DYNLT2: variants seen among roughly 807,000 people sequenced by gnomAD.
The protein encoded by DYNLT2 is dynein light chain Tctex-type 2.
In DYNLT2, 24 loss-of-function variants were observed where a neutral mutation model predicts 24.3. The ratio of observed to expected loss-of-function variants is 0.99; its 90% CI spans 0.71 to 1.39. The LOEUF is 1.39. Among genes scored for constraint, DYNLT2 ranks in the 40% most tolerant of loss-of-function variants. The probability of loss-of-function intolerance (pLI) is 0.00; values close to 1 mark genes in which losing one functional copy is unlikely to be tolerated. For synonymous variants in DYNLT2, 85 were observed against 85.4 expected (o/e 1.00, Z 0.03); for missense variants, 246 against 234.5 (o/e 1.05, Z -0.32).
intron 1 of DYNLT2, among the ~76,000 whole-genome samples, chr6:169,746,818 T>C (rs991491982): frequency 1.3e-5 from 2 of 151,938 alleles, no homozygotes; most frequent in Non-Finnish European, 2.9e-5. Flanking sequence ...GGTATTTTAG[T>C]GAACCTGTGC....
At position 169,751,445 on chromosome 6, in the gene DYNLT2, C is replaced by CCTCGCTTCTCCAT; in HGVS notation, c.1_13dup (p.Gly5AspfsTer28). The CCTCGCTTCTCCAT allele has an allele frequency of 6.2e-7, 1 of 1,614,052 alleles. No individual in the cohort carries two copies. Among genetic ancestry groups the CCTCGCTTCTCCAT allele is most frequent in the Non-Finnish European group, 8.5e-7 (1 of 1,180,010 alleles). Reference sequence around the variant, plus strand: ...GATGGGGCTCGACTTCACGCCTCGGCCTCGCTTCTCCATCTCGCTCTGTTC... The same window carrying CCTCGCTTCTCCAT: ...GATGGGGCTCGACTTCACGCCTCGGCCTCGCTTCTCCATCTCGCTTCTCCATCTCGCTCTGTTC... On this transcript the variant is annotated frameshift_variant, in exon 1 of 4. Transcript: ENST00000366774. LOFTEE classifies it high-confidence loss of function.
downstream of DYNLT2, among the ~76,000 whole-genome samples, chr6:169,736,685 G>A (rs1235365042): frequency 2.0e-5 from 3 of 152,192 alleles, no homozygotes; most frequent in Non-Finnish European, 4.4e-5. Flanking sequence ...GATGTCGGCT[G>A]TTAGTCTGAT....
intron 3 of DYNLT2, among the ~76,000 whole-genome samples, chr6:169,742,787 C>T (rs200958660): frequency 2.0e-5 from 3 of 152,028 alleles, no homozygotes; most frequent in Middle Eastern, 3.4e-3. Context: ...TTAGTAGAGA[C>T]GGGGTTTCAC....
In DYNLT2 at chr6:169,751,338, C is replaced by T; in HGVS notation, c.120+1G>A. 1.2e-6 allele frequency: 2 copies of T among 1,613,676 alleles called. No individual in the cohort carries two copies. The highest frequency in any genetic ancestry group is 1.7e-6 in the Non-Finnish European group (2 of 1,179,826). On this transcript the variant is annotated splice_donor_variant, in intron 1 of 3. Transcript: ENST00000366774. LOFTEE classifies it high-confidence loss of function. Reference sequence around the variant, plus strand: ...GGGCCCCTAGCAGTCTCCGCACTCACTGCCTCCTTCTCGAACATGCTAGGC... The same window carrying T: ...GGGCCCCTAGCAGTCTCCGCACTCATTGCCTCCTTCTCGAACATGCTAGGC...
downstream of DYNLT2, among the ~76,000 whole-genome samples, chr6:169,736,579 G>T (rs1789566623): frequency 6.6e-6 from 1 of 152,158 alleles, no homozygotes. Flanking sequence ...ATGAAGCTTA[G>T]TTTGGCTGGA....
chr6:169,747,714 CTCTT>C (rs1214213266), intron 1 of DYNLT2, among the ~76,000 whole-genome samples: 4 of 152,046 alleles, frequency 2.6e-5, no homozygotes, highest in African/African-American at 9.7e-5. Flanking sequence ...ACTAATAACT[CTCTT>C]AACTACTTTA....
intron 1 of DYNLT2, chr6:169,751,109 T>G: frequency 1.8e-6 from 1 of 555,984 alleles, no homozygotes; most frequent in Non-Finnish European, 3.1e-6. Context: ...TTATGTAGGG[T>G]TCTATGGCCC....
intron 1 of DYNLT2, among the ~76,000 whole-genome samples, 164 bp from the exon 2 acceptor site, chr6:169,744,438 G>C (rs1290104910): frequency 6.6e-6 from 1 of 151,878 alleles, no homozygotes; most frequent in East Asian, 1.9e-4. Context: ...CTAAATCCTA[G>C]ATTCACTCCT....
chr6:169,751,245 G>A, intron 1 of DYNLT2, 94 bp downstream of exon 1: 1 of 1,509,778 alleles, frequency 6.6e-7, no homozygotes, highest in South Asian at 1.3e-5. Flanking sequence ...CCTTGGCTCT[G>A]GGGGTGGTGA....
chr6:169,732,481 C>T, the DYNLT2 span, among the ~76,000 whole-genome samples: 1 of 152,208 alleles, frequency 6.6e-6, no homozygotes, highest in East Asian at 1.9e-4. Context: ...TTGTTCCCCT[C>T]TCTTGTGTCC....
chr6:169,734,605 T>A, the DYNLT2 span, among the ~76,000 whole-genome samples: 1 of 152,236 alleles, frequency 6.6e-6, no homozygotes, highest in African/African-American at 2.4e-5. Flanking sequence ...TTTGCATATG[T>A]TGAACCAGCC....
At chr6:169,742,349 A>G (rs1789697025) in intron 3 of DYNLT2, among the ~76,000 whole-genome samples, 1 of 152,192 alleles carries the variant, frequency 6.6e-6, no homozygotes, top group African/African-American at 2.4e-5. Context: ...GGCTGTTTAC[A>G]TTATCCCTAT....
chr6:169,744,016 TC>T (rs1324386414), intron 2 of DYNLT2, 51 bp downstream of exon 2: 1 of 1,530,278 alleles, frequency 6.5e-7, no homozygotes, highest in East Asian at 2.3e-5. Context: ...AATTTCTGTT[TC>T]TCTGTAGAAC....
At chr6:169,731,282 C>A in the DYNLT2 span, among the ~76,000 whole-genome samples, 2 of 152,188 alleles carry the variant, frequency 1.3e-5, no homozygotes, top group Non-Finnish European at 1.5e-5. Context: ...CAGAGTATTA[C>A]ATTATGGACA....
At chr6:169,742,584 A>G (rs751686327) in intron 3 of DYNLT2, among the ~76,000 whole-genome samples, 1 of 152,164 alleles carries the variant, frequency 6.6e-6, no homozygotes, top group Non-Finnish European at 1.5e-5. Flanking sequence ...AATTAGTAGT[A>G]CCAAATTGCT....
chr6:169,743,325 T>A, intron 2 of DYNLT2, 87 bp from the exon 3 acceptor site: 5 of 647,268 alleles, frequency 7.7e-6, no homozygotes, highest in Non-Finnish European at 1.2e-5. Context: ...GTCTAAATAA[T>A]ATATATATAA....
chr6:169,743,164 C>A lies in DYNLT2; in HGVS notation c.402G>T (p.Leu134=). The A allele has an allele frequency of 6.3e-7, 1 of 1,577,532 alleles. No individual in the cohort carries two copies. The highest frequency in any genetic ancestry group is 8.7e-7 in the Non-Finnish European group (1 of 1,155,964). The change falls in exon 3 of 4, where the codon CTG becomes CTT. Residue 134 remains leucine (L), a synonymous_variant. Transcript: ENST00000366774. ...HLSLELADRI[L]LAVKEFGYHR... is the part of the protein sequence containing the mutation. ...GGTACCCAAATTCTTTGACTGCTAA[C>A]AGTATGCGGTCTGCCAATTCAAGTG...
the DYNLT2 span, among the ~76,000 whole-genome samples, chr6:169,727,748 A>C: frequency 6.6e-6 from 1 of 152,110 alleles, no homozygotes; most frequent in Non-Finnish European, 1.5e-5. Context: ...TATTTTTAGT[A>C]GAGACGGAGT....
the DYNLT2 span, among the ~76,000 whole-genome samples, chr6:169,733,239 A>G: frequency 0.012 from 1,771 of 152,022 alleles, 31 homozygotes; most frequent in African/African-American, 0.04. Flanking sequence ...GTAGGTTGCC[A>G]GTTCACTCTG....
Sources: gnomAD v4.1 joint callset for allele counts (sites outside exome capture counted in the v4.1 genomes callset) on GRCh38, gnomAD v4.1.1 for gene constraint, MANE v1.5 for transcripts, NCBI Gene and HGNC (gene_info 2026-07-23, HGNC 2026-07-21) for gene names.